Variants in OPCML observed in about 807,000 individuals in gnomAD.
OPCML encodes opioid-binding protein/cell adhesion molecule.
In OPCML, 13 loss-of-function variants were observed where a neutral mutation model predicts 37.8. The observed-to-expected ratio is 0.34, with a 90% CI of 0.22 to 0.55. OPCML has a LOEUF of 0.55. Ranked by LOEUF, OPCML falls within the 20% of genes least tolerant of loss-of-function variation. The pLI is 0.91. For missense variants in OPCML, 341 were observed against 435.6 expected, an observed-to-expected ratio of 0.78 and a Z score of 1.93; for synonymous variants, 176 against 168.8, an observed-to-expected ratio of 1.04 and a Z score of -0.33.
At chr11:132,961,597 C>T (rs922431755) in intron 1 of OPCML, among the ~76,000 whole-genome samples, 3 of 152,180 alleles carry the variant, frequency 2.0e-5, no homozygotes, top group Non-Finnish European at 4.4e-5. Flanking sequence ...TATAAATAGG[C>T]CCACAGGGCC....
chr11:133,262,148 C>T (rs542845076), intron 1 of OPCML, among the ~76,000 whole-genome samples: 15 of 152,232 alleles, frequency 9.9e-5, no homozygotes, highest in Admixed American at 4.6e-4. Context: ...TACATTGTGG[C>T]ACAGCTAAAT....
intron 2 of OPCML, among the ~76,000 whole-genome samples, chr11:132,705,441 A>C (rs1458250078): frequency 6.6e-6 from 1 of 151,608 alleles, no homozygotes; most frequent in African/African-American, 2.4e-5. Flanking sequence ...AAAAATAACA[A>C]ATTCAGCTGG....
chr11:132,837,186 T>C (rs1000017875), intron 2 of OPCML, among the ~76,000 whole-genome samples: 3 of 152,024 alleles, frequency 2.0e-5, no homozygotes, highest in African/African-American at 7.2e-5. Flanking sequence ...TGGTGGTGCA[T>C]GCCTGTAATT....
chr11:133,207,907 C>G (rs1009942797), intron 1 of OPCML, among the ~76,000 whole-genome samples: 7 of 133,842 alleles, frequency 5.2e-5, no homozygotes, highest in African/African-American at 2.9e-4. Context: ...GTAACACGCT[C>G]TGTTTTACTT....
At chr11:133,197,533 A>G (rs1367925350) in intron 1 of OPCML, among the ~76,000 whole-genome samples, 1 of 152,162 alleles carries the variant, frequency 6.6e-6, no homozygotes, top group Non-Finnish European at 1.5e-5. Flanking sequence ...ATGGGTGACT[A>G]AGGTCTGGAA....
At chr11:133,074,338 A>G (rs1175288356) in intron 1 of OPCML, among the ~76,000 whole-genome samples, 1 of 152,228 alleles carries the variant, frequency 6.6e-6, no homozygotes, top group Non-Finnish European at 1.5e-5. Context: ...CTTCCCAAGT[A>G]AGAAATTTTG....
intron 1 of OPCML, among the ~76,000 whole-genome samples, chr11:133,036,565 G>A (rs1216541653): frequency 6.6e-6 from 1 of 152,138 alleles, no homozygotes; most frequent in African/African-American, 2.4e-5. Context: ...TGTGCTTCAG[G>A]GTTCTGTACT....
intron 2 of OPCML, among the ~76,000 whole-genome samples, chr11:132,810,949 G>T (rs1451979311): frequency 6.6e-6 from 1 of 152,110 alleles, no homozygotes; most frequent in Non-Finnish European, 1.5e-5. Context: ...GGTGGGTGGG[G>T]ATAACACATC....
At chr11:132,882,958 C>A (rs1943271432) in intron 2 of OPCML, among the ~76,000 whole-genome samples, 2 of 151,718 alleles carry the variant, frequency 1.3e-5, no homozygotes, top group Admixed American at 1.3e-4. Context: ...ATTTGAATGC[C>A]CAATGAATAA....
chr11:132,935,922 A>G (rs989186396), intron 2 of OPCML, among the ~76,000 whole-genome samples: 6 of 152,214 alleles, frequency 3.9e-5, no homozygotes, highest in African/African-American at 1.4e-4. Context: ...TTGAGGTTCC[A>G]TATGTGCTAT....
chr11:133,161,196 C>A (rs140012225), intron 1 of OPCML, among the ~76,000 whole-genome samples: 5 of 152,284 alleles, frequency 3.3e-5, no homozygotes, highest in Admixed American at 1.3e-4. Context: ...TTGGAGGCAG[C>A]CATCCTGGCT....
intron 2 of OPCML, among the ~76,000 whole-genome samples, chr11:132,869,753 C>T (rs1942722959): frequency 6.6e-6 from 1 of 152,114 alleles, no homozygotes; most frequent in Non-Finnish European, 1.5e-5. Context: ...CTGGAAGTGT[C>T]CCAAGCACAC....
At position 133,156,282 on chromosome 11, in the gene OPCML, C is replaced by T. The variant is rs562432856; in HGVS notation, c.62-213272G>A. Among the ~76,000 whole-genome samples the T allele has an allele frequency of 4.6e-5, 7 of 152,314 alleles. No homozygotes were observed. The South Asian group carries it at 8.3e-4, about 18-fold the overall frequency. On this transcript the variant is annotated intron_variant, in intron 1 of 7. Transcript: ENST00000524381. ...CATGTTACCTGGACCCTTCACCCTGCCTATCTTATTTCAAGATCCTAGCAG... is the reference window on the plus strand; with the variant it reads ...CATGTTACCTGGACCCTTCACCCTGTCTATCTTATTTCAAGATCCTAGCAG...
chr11:133,083,113 C>T (rs535488577), intron 1 of OPCML, among the ~76,000 whole-genome samples: 2 of 152,164 alleles, frequency 1.3e-5, no homozygotes, highest in African/African-American at 4.8e-5. Context: ...GTGCGCACCA[C>T]ACTCACATCA....
intron 1 of OPCML, among the ~76,000 whole-genome samples, chr11:133,166,552 G>C (rs1037050551): frequency 6.6e-6 from 1 of 152,192 alleles, no homozygotes; most frequent in African/African-American, 2.4e-5. Context: ...AGGAAGGAGT[G>C]ATTTCTTCTG....
chr11:133,091,640 C>A (rs925481376), intron 1 of OPCML, among the ~76,000 whole-genome samples: 1 of 152,158 alleles, frequency 6.6e-6, no homozygotes, highest in Admixed American at 6.5e-5. Context: ...ACCTACTACC[C>A]TTTATTTCCC....
intron 2 of OPCML, among the ~76,000 whole-genome samples, chr11:132,765,359 TC>T (rs1946401051): frequency 6.6e-6 from 1 of 152,200 alleles, no homozygotes; most frequent in African/African-American, 2.4e-5. Context: ...TCCGAAACAT[TC>T]CCTAAAGGAG....
chr11:133,033,720 A>G, intron 1 of OPCML, among the ~76,000 whole-genome samples: 1 of 152,212 alleles, frequency 6.6e-6, no homozygotes, highest in East Asian at 1.9e-4. Flanking sequence ...CATTCTATAA[A>G]TGGGAACACT....
intron 1 of OPCML, among the ~76,000 whole-genome samples, chr11:133,386,922 T>A (rs3923728): frequency 0.49 from 74,590 of 151,918 alleles, 20,997 homozygotes; most frequent in African/African-American, 0.79. Flanking sequence ...GAGGGCTGAG[T>A]GAATGCTTGG....
Sources: allele counts gnomAD v4.1 joint callset (sites outside exome capture counted in the v4.1 genomes callset), GRCh38; gene constraint gnomAD v4.1.1; transcripts MANE v1.5; gene names NCBI Gene and HGNC (gene_info 2026-07-23, HGNC 2026-07-21).